Variants in RTN4 observed in about 807,000 individuals in gnomAD.
RTN4 encodes reticulon-4.
Under a neutral mutation model 90.4 loss-of-function variants are expected in RTN4, and 32 were observed. The observed-to-expected ratio is 0.35, with a 90% CI of 0.27 to 0.48. The LOEUF is 0.48. Ranked by LOEUF, RTN4 falls within the 20% of genes least tolerant of loss-of-function variation. RTN4 has a pLI of 0.99. For synonymous variants in RTN4, 629 were observed against 552.5 expected, an observed-to-expected ratio of 1.14 and a Z score of -1.94; for missense variants, 1,706 against 1,430.2, an observed-to-expected ratio of 1.19 and a Z score of -3.11.
intron 1 of RTN4, among the ~76,000 whole-genome samples, chr2:55,094,717 A>T (rs1379298024): frequency 6.6e-6 from 1 of 152,168 alleles, no homozygotes; most frequent in Non-Finnish European, 1.5e-5. Flanking sequence ...GGAAGAGCTG[A>T]CTAGGAGACA....
intron 2 of RTN4, among the ~76,000 whole-genome samples, chr2:55,057,273 G>A (rs1254459756): frequency 1.3e-5 from 2 of 152,210 alleles, no homozygotes; most frequent in African/African-American, 4.8e-5. Flanking sequence ...GATGTATGCG[G>A]ATTTTTTGGA....
chr2:55,126,060 C>CAAAAAA, the RTN4 span, among the ~76,000 whole-genome samples: 1 of 62,458 alleles, frequency 1.6e-5, no homozygotes. Context: ...GACTCCGTCT[C>CAAAAAA]AAAAAAAAAA....
upstream of RTN4, among the ~76,000 whole-genome samples, chr2:55,051,531 C>A (rs937576851): frequency 3.3e-5 from 5 of 152,164 alleles, no homozygotes; most frequent in Admixed American, 1.3e-4. Flanking sequence ...GAATCAGGAT[C>A]CTTTTATCTT....
intron 4 of RTN4, among the ~76,000 whole-genome samples, chr2:54,986,320 G>T (rs896694841): frequency 6.6e-6 from 1 of 152,176 alleles, no homozygotes; most frequent in Non-Finnish European, 1.5e-5. Context: ...AGTCCAATTA[G>T]GGGTCAGCAA....
intron 1 of RTN4, among the ~76,000 whole-genome samples, chr2:55,048,885 G>A (rs886287648): frequency 6.6e-6 from 1 of 152,006 alleles, no homozygotes; most frequent in African/African-American, 2.4e-5. Flanking sequence ...TTTTCTGTAA[G>A]ATTCAATTAT....
Position 55,025,217 on chromosome 2 carries a change from T to A in RTN4, c.2882A>T (p.Gln961Leu), listed in dbSNP as rs1001468763. 1.2e-6 allele frequency: 2 copies of A among 1,613,830 alleles called. No individual in the cohort carries two copies. The highest frequency in any genetic ancestry group is 4.5e-5 in the East Asian group (2 of 44,868). ...TTTAACTATGCTCTCTATCTCTGCT[T>A]GAGTGGCCAAAGCAGAAACATCTGG... The part of the protein sequence containing the change: ...LPPDVSALAT[Q>L]AEIESIVKPK... Residue 961 changes from glutamine to leucine, a missense_variant, in exon 3 of 9, where the codon CAA (glutamine) becomes CTA (leucine). Coordinates refer to ENST00000337526, the MANE Select transcript of RTN4 (RefSeq NM_020532.5).
In RTN4 at chr2:55,026,526, A is replaced by C; in HGVS notation, c.1573T>G (p.Ser525Ala). 2 of 1,613,906 alleles carry C rather than the reference A, an allele frequency of 1.2e-6. No homozygotes were observed. Among genetic ancestry groups the C allele is most frequent in the Non-Finnish European group, 1.7e-6 (2 of 1,179,934 alleles). ...SNPFLVAAQD[S>A]ETDYVTTDNL... ...TCTGTTGTGACATAATCTGTCTCAG[A>C]ATCCTGTGCTGCTACAAGAAAAGGG... Residue 525 changes from serine (S) to alanine (A), a missense_variant, in exon 3 of 9, where the codon TCT becomes GCT. Transcript: ENST00000337526.
At chr2:54,988,100 T>C (rs967642598) in intron 3 of RTN4, among the ~76,000 whole-genome samples, 4 of 152,232 alleles carry the variant, frequency 2.6e-5, no homozygotes, top group African/African-American at 9.6e-5. Flanking sequence ...GTGGATCACC[T>C]GAGGTCAGGC....
At chr2:55,048,043 G>A (rs1429937839) in intron 1 of RTN4, among the ~76,000 whole-genome samples, 1 of 152,200 alleles carries the variant, frequency 6.6e-6, no homozygotes, top group African/African-American at 2.4e-5. Context: ...ATACCTATAT[G>A]TAGGCTATAT....
intron 2 of RTN4, among the ~76,000 whole-genome samples, chr2:55,073,305 A>T (rs1379930248): frequency 6.6e-6 from 1 of 152,208 alleles, no homozygotes; most frequent in Non-Finnish European, 1.5e-5. Context: ...CGTTAATTTT[A>T]TCATCCAATG....
chr2:55,120,093 G>T, the RTN4 span, among the ~76,000 whole-genome samples: 1 of 152,230 alleles, frequency 6.6e-6, no homozygotes, highest in African/African-American at 2.4e-5. Flanking sequence ...GGTGGGGTGG[G>T]TGAATGATTC....
At chr2:55,000,348 C>T (rs557650297) in intron 3 of RTN4, among the ~76,000 whole-genome samples, 1 of 151,924 alleles carries the variant, frequency 6.6e-6, no homozygotes, top group Non-Finnish European at 1.5e-5. Flanking sequence ...TAAACAGATA[C>T]GTGCAAAATT....
At chr2:55,091,349 C>T (rs923892149) in intron 1 of RTN4, among the ~76,000 whole-genome samples, 4 of 152,202 alleles carry the variant, frequency 2.6e-5, no homozygotes, top group Non-Finnish European at 4.4e-5. Flanking sequence ...ACACATAAAG[C>T]TTCTTGCCTC....
At chr2:55,103,144 G>C (rs1356047440) in intron 1 of RTN4, among the ~76,000 whole-genome samples, 1 of 147,876 alleles carries the variant, frequency 6.8e-6, no homozygotes, top group Non-Finnish European at 1.5e-5. Flanking sequence ...ATTTTTAAAA[G>C]TTTATAAAAC....
At position 55,021,843 on chromosome 2, in the gene RTN4, G is replaced by A. The variant is rs979270063; in HGVS notation, c.3013+3243C>T. On this transcript the variant is annotated intron_variant, in intron 3 of 8. Coordinates refer to ENST00000337526, the MANE Select transcript of RTN4 (RefSeq NM_020532.5). ...GGGTTTCCTTCCCACAACTTTTGTAGAATATATATATTGGGTGTATCTAAA... is the reference window on the plus strand; with the variant it reads ...GGGTTTCCTTCCCACAACTTTTGTAAAATATATATATTGGGTGTATCTAAA... Among the ~76,000 whole-genome samples, 5 of 152,216 alleles carry A rather than the reference G, an allele frequency of 3.3e-5. No homozygotes were observed. The East Asian group carries it at 7.7e-4, about 23-fold the overall frequency.
chr2:55,113,319 C>T (rs1207550832), upstream of RTN4, among the ~76,000 whole-genome samples: 4 of 152,174 alleles, frequency 2.6e-5, no homozygotes. Flanking sequence ...GACTTCAGAA[C>T]TGTGGTTTCT....
At chr2:55,006,412 G>A (rs188349471) in intron 3 of RTN4, among the ~76,000 whole-genome samples, 267 of 152,206 alleles carry the variant, frequency 1.8e-3, no homozygotes, top group South Asian at 0.014. Flanking sequence ...ATTTCAAACA[G>A]CAAGACCCCT....
Position 55,025,191 on chromosome 2 carries a change from G to A in RTN4, c.2908C>T (p.Pro970Ser), listed in dbSNP as rs762361993. The stretch of plus-strand genomic sequence containing the variant: ...TCAGCTTCTTTCACAAGAACTTTGG[G>A]TTTAACTATGCTCTCTATCTCTGCT... ...TQAEIESIVK[P>S]KVLVKEAEKK... The change falls in exon 3 of 9, where the codon CCC becomes TCC. Residue 970 changes from proline (P) to serine (S), a missense_variant. Coordinates refer to ENST00000337526, the MANE Select transcript of RTN4 (RefSeq NM_020532.5). 2 of 1,613,752 alleles carry A rather than the reference G, an allele frequency of 1.2e-6. No individual in the cohort carries two copies. The highest frequency in any genetic ancestry group is 1.7e-4 in the Middle Eastern group (1 of 6,056).
At chr2:54,986,225 G>T (rs1678550187) in intron 4 of RTN4, among the ~76,000 whole-genome samples, 1 of 152,118 alleles carries the variant, frequency 6.6e-6, no homozygotes, top group Non-Finnish European at 1.5e-5. Context: ...GAAAAAAAGT[G>T]GTACTTCTAG....
Sources: allele counts gnomAD v4.1 joint callset (sites outside exome capture counted in the v4.1 genomes callset), GRCh38; gene constraint gnomAD v4.1.1; transcripts MANE v1.5; gene names NCBI Gene and HGNC (gene_info 2026-07-23, HGNC 2026-07-21).